The following MORC1 variants were observed in gnomAD, a reference collection of about 807,000 sequenced individuals.
MORC1 encodes the protein MORC family CW-type zinc finger 1.
Under a neutral mutation model 134.9 loss-of-function variants are expected in MORC1, and 59 were observed. The ratio of observed to expected loss-of-function variants is 0.44; its 90% CI spans 0.35 to 0.54. The LOEUF is 0.54. MORC1 is among the 20% of genes least tolerant of loss of function. MORC1 has a pLI of 0.00. For missense variants in MORC1, 947 were observed against 1,134.5 expected (o/e 0.83, Z 2.37); for synonymous variants, 395 against 391.7 (o/e 1.01, Z -0.10).
chr3:109,090,698 T>C (rs1229042799), intron 8 of MORC1, among the ~76,000 whole-genome samples: 1 of 151,698 alleles, frequency 6.6e-6, no homozygotes, highest in Non-Finnish European at 1.5e-5. Flanking sequence ...AAAACACCTC[T>C]TCCCTGAGGC....
intron 9 of MORC1, among the ~76,000 whole-genome samples, chr3:109,068,442 G>C (rs1483077147): frequency 6.6e-6 from 1 of 152,148 alleles, no homozygotes. Flanking sequence ...CCACATATCA[G>C]TGAGAACATA....
intron 14 of MORC1, among the ~76,000 whole-genome samples, chr3:109,040,237 T>C (rs1949477533): frequency 1.3e-5 from 2 of 151,266 alleles, no homozygotes; most frequent in Admixed American, 1.3e-4. Flanking sequence ...AACAGGAAAG[T>C]ATGGCACATT....
chr3:109,061,851 G>A, intron 11 of MORC1, 137 bp downstream of exon 11: 1 of 811,822 alleles, frequency 1.2e-6, no homozygotes, highest in Non-Finnish European at 2.0e-6. Flanking sequence ...GTTTACCTGA[G>A]TTAAAATCAA....
intron 15 of MORC1, among the ~76,000 whole-genome samples, chr3:109,034,580 A>C (rs553356824): frequency 2.0e-5 from 3 of 152,150 alleles, no homozygotes; most frequent in Admixed American, 6.6e-5. Context: ...TCAGTGATTC[A>C]GTTGTCAGTT....
intron 8 of MORC1, among the ~76,000 whole-genome samples, chr3:109,077,634 C>A (rs1950447815): frequency 6.6e-6 from 1 of 151,522 alleles, no homozygotes; most frequent in Non-Finnish European, 1.5e-5. Context: ...GGGAAAAAAA[C>A]CACAACTCAA....
chr3:109,024,715 T>C (rs1376445373), intron 17 of MORC1, among the ~76,000 whole-genome samples: 1 of 152,186 alleles, frequency 6.6e-6, no homozygotes, highest in East Asian at 1.9e-4. Context: ...AATAATTACA[T>C]GGCATATATT....
At chr3:109,055,962 C>T (rs1270868484) in intron 13 of MORC1, among the ~76,000 whole-genome samples, 1 of 152,168 alleles carries the variant, frequency 6.6e-6, no homozygotes, top group Non-Finnish European at 1.5e-5. Context: ...ATACTTTAGG[C>T]TCATGGCTGA....
intron 23 of MORC1, among the ~76,000 whole-genome samples, chr3:108,983,675 C>A (rs1434357560): frequency 6.6e-6 from 1 of 152,108 alleles, no homozygotes; most frequent in Non-Finnish European, 1.5e-5. Context: ...CAAATAACTA[C>A]GGAACAAATT....
chr3:108,986,903 T>C lies in MORC1; in HGVS notation c.2234A>G (p.Lys745Arg). ...NTDVSLKQEK[K>R]EIPLLNQEKQ... is the part of the protein sequence containing the mutation. Reference sequence around the variant, plus strand: ...ACCTTGGTTTAAAAGAGGAATTTCCTTTTTTTCTTGTTTCAATGAAACATC... The same window carrying C: ...ACCTTGGTTTAAAAGAGGAATTTCCCTTTTTTCTTGTTTCAATGAAACATC... Residue 745 changes from lysine (K) to arginine (R), a missense_variant, in exon 22 of 28, where the codon AAG becomes AGG. Around this residue, in one of 3 missense-constraint regions of MORC1, gnomAD observed 722 missense variants for 817.0 expected, o/e 0.88. Transcript: ENST00000232603. The C allele has an allele frequency of 6.4e-7, 1 of 1,571,184 alleles. No individual in the cohort carries two copies. The highest frequency in any genetic ancestry group is 1.9e-5 in the Admixed American group (1 of 51,972).
intron 14 of MORC1, among the ~76,000 whole-genome samples, chr3:109,051,719 C>T (rs1262243916): frequency 6.6e-6 from 1 of 151,994 alleles, no homozygotes; most frequent in East Asian, 1.9e-4. Flanking sequence ...ATTTCAAACC[C>T]TATTATATCT....
At chr3:108,973,746 G>A (rs1288425952) in intron 24 of MORC1, among the ~76,000 whole-genome samples, 2 of 151,650 alleles carry the variant, frequency 1.3e-5, no homozygotes, top group African/African-American at 4.8e-5. Flanking sequence ...ACAGGCGCAC[G>A]CCACCACACC....
At chr3:109,092,184 C>T (rs1950742025) in intron 8 of MORC1, among the ~76,000 whole-genome samples, 1 of 152,084 alleles carries the variant, frequency 6.6e-6, no homozygotes, top group South Asian at 2.1e-4. Flanking sequence ...TTAATGCTGG[C>T]ACAGTGGTTC....
chr3:109,100,178 G>T (rs369271482), intron 5 of MORC1, among the ~76,000 whole-genome samples: 273 of 152,172 alleles, frequency 1.8e-3, no homozygotes, highest in African/African-American at 6.3e-3. Flanking sequence ...AGGAGGCGGA[G>T]GTTGCAGTGA....
intron 12 of MORC1, 21 bp downstream of exon 12, chr3:109,059,785 A>G: frequency 6.2e-7 from 1 of 1,604,660 alleles, no homozygotes; most frequent in Non-Finnish European, 8.5e-7. Flanking sequence ...ATTCCTGCAA[A>G]CAGAAAACCT....
chr3:108,965,231 CAATAA>C (rs1423885485), intron 26 of MORC1, among the ~76,000 whole-genome samples: 1 of 151,964 alleles, frequency 6.6e-6, no homozygotes, highest in Non-Finnish European at 1.5e-5. Flanking sequence ...ATAAAAGCCA[CAATAA>C]AATAAACCAA....
At chr3:109,065,924 A>T (rs1470108739) in intron 9 of MORC1, among the ~76,000 whole-genome samples, 1 of 152,230 alleles carries the variant, frequency 6.6e-6, no homozygotes, top group Non-Finnish European at 1.5e-5. Flanking sequence ...ACAGAAAAAC[A>T]AGTACCTCAT....
intron 5 of MORC1, among the ~76,000 whole-genome samples, chr3:109,100,198 G>A (rs201807301): frequency 3.3e-5 from 5 of 151,966 alleles, no homozygotes; most frequent in East Asian, 3.9e-4. Context: ...AGCCAAGATC[G>A]CACCACTGCA....
intron 8 of MORC1, among the ~76,000 whole-genome samples, chr3:109,088,530 C>T (rs1234251028): frequency 6.6e-6 from 1 of 152,036 alleles, no homozygotes; most frequent in Non-Finnish European, 1.5e-5. Flanking sequence ...TCACACCAGT[C>T]AGAATGGCAA....
chr3:108,998,177 G>A (rs1027571891), intron 21 of MORC1, among the ~76,000 whole-genome samples: 6 of 152,338 alleles, frequency 3.9e-5, no homozygotes, highest in African/African-American at 1.4e-4. Context: ...GCCAGCCCAT[G>A]CAGATGGGCA....
Sources: gnomAD v4.1 joint callset for allele counts (sites outside exome capture counted in the v4.1 genomes callset) on GRCh38, gnomAD v4.1.1 for gene constraint, gnomAD v4.1.1 regional missense constraint, MANE v1.5 for transcripts, NCBI Gene and HGNC (gene_info 2026-07-23, HGNC 2026-07-21) for gene names.